EEFSEC: variants seen among roughly 807,000 people sequenced by gnomAD.
EEFSEC encodes eukaryotic elongation factor, selenocysteine-tRNA specific.
A neutral mutation model predicts 42.1 loss-of-function variants in EEFSEC; 43 were observed. The observed-to-expected ratio is 1.02, with a 90% CI of 0.80 to 1.32. The LOEUF is 1.32. Ranked by LOEUF, EEFSEC falls within the 40% of genes most tolerant of loss-of-function variation. EEFSEC has a pLI of 0.00. For missense variants in EEFSEC, 745 were observed against 803.6 expected, an observed-to-expected ratio of 0.93 and a Z score of 0.88; for synonymous variants, 354 against 339.1, an observed-to-expected ratio of 1.04 and a Z score of -0.48.
chr3:128,165,897 A>G (rs2065238356), intron 1 of EEFSEC, among the ~76,000 whole-genome samples: 1 of 152,170 alleles, frequency 6.6e-6, no homozygotes, highest in African/African-American at 2.4e-5. Context: ...TTGGCACTAG[A>G]GCTCAGTCTT....
At chr3:128,171,782 T>C (rs2065298875) in intron 1 of EEFSEC, among the ~76,000 whole-genome samples, 1 of 150,070 alleles carries the variant, frequency 6.7e-6, no homozygotes, top group African/African-American at 2.5e-5. Context: ...CAGAAAGACA[T>C]AGCTGGCCCT....
intron 4 of EEFSEC, among the ~76,000 whole-genome samples, chr3:128,269,075 C>T (rs1401386150): frequency 6.6e-6 from 1 of 152,206 alleles, no homozygotes; most frequent in African/African-American, 2.4e-5. Flanking sequence ...ATGTCAGAAC[C>T]ATTGCATACT....
intron 6 of EEFSEC, among the ~76,000 whole-genome samples, chr3:128,362,545 C>T (rs74494810): frequency 6.6e-6 from 1 of 152,360 alleles, no homozygotes; most frequent in East Asian, 1.9e-4. Flanking sequence ...GGCCCCTCTC[C>T]CACAGGGTGC....
intron 1 of EEFSEC, among the ~76,000 whole-genome samples, chr3:128,237,137 G>A (rs1324899498): frequency 6.6e-6 from 1 of 152,176 alleles, no homozygotes; most frequent in East Asian, 1.9e-4. Context: ...TTTCCAATTT[G>A]AAATATTAAG....
intron 1 of EEFSEC, among the ~76,000 whole-genome samples, chr3:128,244,135 C>A (rs2066101984): frequency 6.6e-6 from 1 of 152,156 alleles, no homozygotes; most frequent in Non-Finnish European, 1.5e-5. Flanking sequence ...AAGGTGGAGA[C>A]TGGAAAATAG....
At chr3:128,391,563 T>C (rs954293147) in intron 6 of EEFSEC, among the ~76,000 whole-genome samples, 2 of 152,198 alleles carry the variant, frequency 1.3e-5, no homozygotes. Context: ...GAGTGAGTGA[T>C]AGAGCAAGCG....
intron 4 of EEFSEC, among the ~76,000 whole-genome samples, chr3:128,313,609 G>A (rs2066913400): frequency 6.6e-6 from 1 of 152,210 alleles, no homozygotes; most frequent in African/African-American, 2.4e-5. Flanking sequence ...CCGCTGCCTG[G>A]TAACGGGGCT....
intron 2 of EEFSEC, among the ~76,000 whole-genome samples, chr3:128,255,527 C>T (rs2066233074): frequency 6.6e-6 from 1 of 152,190 alleles, no homozygotes; most frequent in South Asian, 2.1e-4. Context: ...GCCCCTCACC[C>T]CCATTGCTCT....
intron 1 of EEFSEC, among the ~76,000 whole-genome samples, chr3:128,196,706 C>T (rs1317723036): frequency 1.3e-5 from 2 of 152,130 alleles, no homozygotes; most frequent in Non-Finnish European, 2.9e-5. Context: ...AGCATATAAG[C>T]TCTGACTTGA....
intron 4 of EEFSEC, among the ~76,000 whole-genome samples, chr3:128,323,972 C>G (rs2067036038): frequency 6.6e-6 from 1 of 152,148 alleles, no homozygotes; most frequent in South Asian, 2.1e-4. Flanking sequence ...CTGCAGAAAC[C>G]AGACCGTTGA....
intron 6 of EEFSEC, among the ~76,000 whole-genome samples, chr3:128,403,982 A>G (rs936159646): frequency 2.6e-5 from 4 of 152,204 alleles, no homozygotes; most frequent in African/African-American, 7.2e-5. Flanking sequence ...ACCACTATTT[A>G]TCTCCTGTTC....
chr3:128,256,505 C>T (rs1025164785), intron 2 of EEFSEC, among the ~76,000 whole-genome samples: 5 of 152,214 alleles, frequency 3.3e-5, no homozygotes, highest in African/African-American at 1.2e-4. Flanking sequence ...CATCATGCCT[C>T]CCTTTCCTCA....
chr3:128,305,402 G>A (rs1362455376), intron 4 of EEFSEC, among the ~76,000 whole-genome samples: 3 of 152,004 alleles, frequency 2.0e-5, no homozygotes, highest in African/African-American at 4.8e-5. Context: ...GGATTTGGAA[G>A]GTTTTCTCCT....
At chr3:128,402,866 C>T (rs1023192254) in intron 6 of EEFSEC, among the ~76,000 whole-genome samples, 5 of 152,124 alleles carry the variant, frequency 3.3e-5, no homozygotes, top group African/African-American at 9.7e-5. Flanking sequence ...TCTGAGTATC[C>T]GCCACTCACC....
intron 2 of EEFSEC, among the ~76,000 whole-genome samples, 176 bp downstream of exon 2, chr3:128,247,219 T>C (rs566318003): frequency 9.2e-5 from 14 of 152,208 alleles, no homozygotes; most frequent in Admixed American, 2.6e-4. Flanking sequence ...AAGGCTAACG[T>C]GTTTTTAAAA....
chr3:128,316,607 G>A (rs1391518901), intron 4 of EEFSEC, among the ~76,000 whole-genome samples: 1 of 152,212 alleles, frequency 6.6e-6, no homozygotes, highest in African/African-American at 2.4e-5. Flanking sequence ...AATTTCCGGA[G>A]GACTGTCACG....
intron 1 of EEFSEC, among the ~76,000 whole-genome samples, chr3:128,167,502 T>A (rs916799917): frequency 2.0e-5 from 3 of 152,258 alleles, no homozygotes; most frequent in East Asian, 3.8e-4. Context: ...GCCTTGAGGT[T>A]AGACAAGTTA....
chr3:128,338,419 G>A (rs897384419), intron 4 of EEFSEC, among the ~76,000 whole-genome samples: 2 of 152,096 alleles, frequency 1.3e-5, no homozygotes, highest in African/African-American at 2.4e-5. Flanking sequence ...TAAATCTGTC[G>A]GCACACAGAG....
intron 4 of EEFSEC, among the ~76,000 whole-genome samples, chr3:128,268,657 C>T (rs115013282): frequency 0.011 from 1,708 of 151,994 alleles, 23 homozygotes; most frequent in African/African-American, 0.039. Flanking sequence ...GGAGAAGACA[C>T]GGAGAGTCAC....
Sources: allele counts gnomAD v4.1 joint callset (sites outside exome capture counted in the v4.1 genomes callset), GRCh38; gene constraint gnomAD v4.1.1; transcripts MANE v1.5; gene names NCBI Gene and HGNC (gene_info 2026-07-23, HGNC 2026-07-21).